The following CEP89 variants were observed in gnomAD, a reference collection of about 807,000 sequenced individuals.
The protein encoded by CEP89 is centrosomal protein 89.
Under a neutral mutation model 97.6 loss-of-function variants are expected in CEP89, and 95 were observed. The observed-to-expected ratio is 0.97, with a 90% CI of 0.82 to 1.15. CEP89 has a LOEUF of 1.15. Ranked by LOEUF, CEP89 falls within the 50% of genes most tolerant of loss-of-function variation. The pLI, the probability that CEP89 is intolerant of heterozygous loss-of-function variation, is 0.00. For missense variants in CEP89, 869 were observed against 947.7 expected, an observed-to-expected ratio of 0.92 and a Z score of 1.09; for synonymous variants, 354 against 349.1, an observed-to-expected ratio of 1.01 and a Z score of -0.16.
At chr19:32,921,221 C>CAAAA (rs35581184) in intron 12 of CEP89, among the ~76,000 whole-genome samples, 6 of 134,176 alleles carry the variant, frequency 4.5e-5, no homozygotes, top group South Asian at 2.5e-4. Context: ...GACTCTGTCT[C>CAAAA]AAAAAAAAAA....
chr19:32,959,304 G>C (rs1971116264), intron 3 of CEP89, among the ~76,000 whole-genome samples: 1 of 152,040 alleles, frequency 6.6e-6, no homozygotes, highest in South Asian at 2.1e-4. Flanking sequence ...GCCCCACAAA[G>C]ATCATGCCTA....
At position 32,899,889 on chromosome 19, in the gene CEP89, T is replaced by C; in HGVS notation, c.1843A>G (p.Ile615Val). 6.2e-7 allele frequency: 1 copy of C among 1,614,062 alleles called. No individual in the cohort carries two copies. The highest frequency in any genetic ancestry group is 8.5e-7 in the Non-Finnish European group (1 of 1,179,918). Residue 615 changes from isoleucine to valine, a missense_variant, in exon 16 of 19, where the codon ATA becomes GTA. By Grantham distance (29) the Ile-to-Val change is conservative (BLOSUM62 3). Transcript: ENST00000305768. ...LANLVGLAEN[I>V]TQERDSLMCL... The stretch of plus-strand genomic sequence containing the variant: ...ATAAGACTGTCACGTTCCTGGGTTA[T>C]GTTTTCTGCCAGGCCAACAAGGTTT...
chr19:32,933,514 G>T lies in CEP89; in HGVS notation c.823C>A (p.Leu275Ile). The T allele has an allele frequency of 6.2e-7, 1 of 1,613,988 alleles. No individual in the cohort carries two copies. The highest frequency in any genetic ancestry group is 8.5e-7 in the Non-Finnish European group (1 of 1,179,980). ...CTCTTCTCTTTTTCCATTCCCTTAA[G>T]TTTTAACTGTAGTTCTTTCATTGCT... Reference protein sequence around the residue: ...KQAMKELQLKLKGMEKEKRKL... With the variant: ...KQAMKELQLKIKGMEKEKRKL... The change falls in exon 8 of 19, where the codon CTT becomes ATT. Residue 275 changes from leucine (L) to isoleucine (I), a missense_variant. By Grantham distance (5) the Leu-to-Ile change is conservative. Coordinates refer to ENST00000305768, the MANE Select transcript of CEP89 (RefSeq NM_032816.5).
chr19:32,930,021 CTTTTTTTTT>C (rs777333613), intron 9 of CEP89, among the ~76,000 whole-genome samples: 1 of 133,412 alleles, frequency 7.5e-6, no homozygotes, highest in Admixed American at 7.5e-5. Context: ...CTTTTTTTTC[CTTTTTTTTT>C]TTTTTTTTTG....
intron 15 of CEP89, 131 bp from the exon 16 acceptor site, chr19:32,900,129 TCTA>T: frequency 1.2e-6 from 1 of 807,252 alleles, no homozygotes; most frequent in African/African-American, 1.7e-5. Flanking sequence ...ACCTAAATCT[TCTA>T]TTAAGTTTCA....
intron 1 of CEP89, chr19:32,968,798 G>A (rs928958040): frequency 6.6e-6 from 1 of 152,224 alleles, no homozygotes; most frequent in African/African-American, 2.4e-5. Context: ...TTCCTACCAA[G>A]TGTTATGGGA....
chr19:32,901,517 C>G lies in CEP89; in HGVS notation c.1566-105G>C, dbSNP rs970017873. ...TGATAACAGCCCAGCCCTCCAGCCC[C>G]TGGGTGGGTCACTTGGAATGCCTCT... On this transcript the variant is annotated intron_variant, in intron 14 of 18. Transcript: ENST00000305768. The G allele has an allele frequency of 1.0e-5, 12 of 1,176,910 alleles. No individual in the cohort carries two copies. The African/African-American group carries it at 1.5e-4, about 15-fold the overall frequency. 72.9% of individuals were successfully genotyped at this position (1,176,910 alleles called of 1,614,324 possible).
At position 32,901,428 on chromosome 19, in the gene CEP89, A is replaced by G. The variant is rs1434124931; in HGVS notation, c.1566-16T>C. ...CTGTAATTGGCTGAAGGACAAAAAC[A>G]TTACATGCTCGTATCCAGCACAATG... On this transcript the variant is annotated splice_polypyrimidine_tract_variant and intron_variant, in intron 14 of 18. Coordinates refer to ENST00000305768, the MANE Select transcript of CEP89 (RefSeq NM_032816.5). 10 of 1,609,622 alleles carry G rather than the reference A, an allele frequency of 6.2e-6. No homozygotes were observed. The highest frequency in any genetic ancestry group is 1.7e-4 in the Middle Eastern group (1 of 6,012).
chr19:32,947,951 C>T (rs1406702388), intron 5 of CEP89, among the ~76,000 whole-genome samples: 1 of 152,154 alleles, frequency 6.6e-6, no homozygotes, highest in Non-Finnish European at 1.5e-5. Flanking sequence ...TAGGCGTGCA[C>T]CACCTTGCCT....
intron 15 of CEP89, 68 bp downstream of exon 15, chr19:32,901,177 T>G: frequency 1.3e-6 from 2 of 1,492,422 alleles, no homozygotes. Context: ...TGAGCCACTG[T>G]ACCCAGACCA....
chr19:32,917,518 C>T (rs1433193462), intron 13 of CEP89, among the ~76,000 whole-genome samples: 1 of 152,192 alleles, frequency 6.6e-6, no homozygotes, highest in African/African-American at 2.4e-5. Flanking sequence ...GTGCCACAGC[C>T]TCATGCAAGA....
At chr19:32,895,064 T>C (rs1047494113) in intron 16 of CEP89, among the ~76,000 whole-genome samples, 1 of 152,112 alleles carries the variant, frequency 6.6e-6, no homozygotes, top group Non-Finnish European at 1.5e-5. Context: ...GAAGAACTAA[T>C]ACAAATTCTC....
At chr19:32,964,876 C>T (rs1165783967) in intron 2 of CEP89, among the ~76,000 whole-genome samples, 1 of 151,992 alleles carries the variant, frequency 6.6e-6, no homozygotes, top group African/African-American at 2.4e-5. Context: ...TCAGGAGCTA[C>T]CCTATTAATT....
intron 18 of CEP89, among the ~76,000 whole-genome samples, chr19:32,880,460 C>A (rs904166033): frequency 7.2e-5 from 11 of 151,886 alleles, no homozygotes; most frequent in South Asian, 6.2e-4. Context: ...ACATGTGAGA[C>A]CTCATCTCTA....
At position 32,879,345 on chromosome 19, in the gene CEP89, T is replaced by C. The variant is rs746398393; in HGVS notation, c.2169A>G (p.Glu723=). 1.9e-6 allele frequency: 3 copies of C among 1,614,234 alleles called. No homozygotes were observed. Among genetic ancestry groups the C allele is most frequent in the East Asian group, 4.5e-5 (2 of 44,888 alleles). The change falls in exon 19 of 19, where the codon GAA becomes GAG. Residue 723 remains glutamate, a synonymous_variant. Transcript: ENST00000305768. ...TTCTTCGGTTTTCCCTGAAGGTAGA[T>C]TCCCAAATAACTTCAAGTTCACCTT... The part of the protein sequence containing the change: ...EMEGELEVIW[E]STFRENRRIR...
chr19:32,949,581 A>G (rs936714138), intron 4 of CEP89, among the ~76,000 whole-genome samples: 2 of 151,976 alleles, frequency 1.3e-5, no homozygotes, highest in Non-Finnish European at 2.9e-5. Context: ...ATGGGGTCTC[A>G]GTATGTTGTC....
chr19:32,961,596 A>T (rs1449160052), intron 2 of CEP89, among the ~76,000 whole-genome samples: 4 of 151,342 alleles, frequency 2.6e-5, no homozygotes, highest in African/African-American at 7.3e-5. Flanking sequence ...AAAAAAAAAA[A>T]AAGAGCATCA....
chr19:32,887,862 T>C (rs201847239), intron 16 of CEP89, 21 bp from the exon 17 acceptor site: 3 of 1,362,272 alleles, frequency 2.2e-6, no homozygotes, highest in Non-Finnish European at 3.1e-6. Flanking sequence ...GGGTGATAAA[T>C]GGGCTCTCAG....
chr19:32,941,737 CCTAA>C (rs1192858205), intron 5 of CEP89, among the ~76,000 whole-genome samples: 4 of 152,130 alleles, frequency 2.6e-5, no homozygotes, highest in African/African-American at 9.6e-5. Context: ...TACCACCTTC[CCTAA>C]CTGAGAGACA....
Sources: gnomAD v4.1 joint callset for allele counts (sites outside exome capture counted in the v4.1 genomes callset) on GRCh38, gnomAD v4.1.1 for gene constraint, MANE v1.5 for transcripts, NCBI Gene and HGNC (gene_info 2026-07-23, HGNC 2026-07-21) for gene names.